Variants in CHUK observed in about 807,000 individuals in gnomAD.
CHUK encodes the protein inhibitor of nuclear factor kappa-B kinase subunit alpha.
Under a neutral mutation model 104.8 loss-of-function variants are expected in CHUK, and 35 were observed. The ratio of observed to expected loss-of-function variants is 0.33; its 90% CI spans 0.26 to 0.44. The LOEUF (loss-of-function observed/expected upper bound fraction) is 0.44. Ranked by LOEUF, CHUK falls within the 20% of genes least tolerant of loss-of-function variation. The probability of loss-of-function intolerance (pLI) is 1.00; values close to 1 mark genes in which losing one functional copy is unlikely to be tolerated. For synonymous variants in CHUK, 276 were observed against 291.9 expected (o/e 0.95, Z 0.56); for missense variants, 663 against 902.7 (o/e 0.73, Z 3.40).
chr10:100,216,208 G>A (rs1354485917), intron 9 of CHUK, among the ~76,000 whole-genome samples: 4 of 152,164 alleles, frequency 2.6e-5, no homozygotes, highest in Non-Finnish European at 1.5e-5. Context: ...CCTATGACAA[G>A]TATGAAACAA....
At chr10:100,212,067 G>A (rs113920190) in intron 9 of CHUK, among the ~76,000 whole-genome samples, 5 of 152,146 alleles carry the variant, frequency 3.3e-5, no homozygotes, top group African/African-American at 7.2e-5. Flanking sequence ...AATTTTAGTT[G>A]AGATGGGGTT....
Position 100,204,918 on chromosome 10 carries a change from A to G in CHUK, c.1355+158T>C, listed in dbSNP as rs576393974. ...CATTACAATAGAATGGTCTCAGTCCATTAGTAAGAATTCTACAAGTTTATC... is the reference window on the plus strand; with the variant it reads ...CATTACAATAGAATGGTCTCAGTCCGTTAGTAAGAATTCTACAAGTTTATC... On this transcript the variant is annotated intron_variant, in intron 12 of 20. Coordinates refer to ENST00000370397, the MANE Select transcript of CHUK (RefSeq NM_001278.5). Among the ~76,000 whole-genome samples, 37 of 152,368 alleles carry G rather than the reference A, an allele frequency of 2.4e-4. 1 individual carries two copies. The highest frequency in any genetic ancestry group is 8.9e-4 in the African/African-American group (37 of 41,586).
chr10:100,223,671 G>GATAAT (rs1210016373), intron 2 of CHUK, among the ~76,000 whole-genome samples: 1 of 152,040 alleles, frequency 6.6e-6, no homozygotes, highest in Non-Finnish European at 1.5e-5. Flanking sequence ...TGTAGGACCT[G>GATAAT]ATAATTTATA....
Position 100,207,316 on chromosome 10 carries a change from T to G in CHUK, c.1145A>C (p.Tyr382Ser), listed in dbSNP as rs769905171. The change falls in exon 11 of 21, where the codon TAT becomes TCT. Residue 382 changes from tyrosine (Y) to serine (S), a missense_variant. Tyr to Ser is a moderately radical substitution (Grantham distance 144, BLOSUM62 -2). This residue lies in a region of CHUK where 93 missense variants were observed against 95.9 expected (regional missense o/e 0.97). Coordinates refer to ENST00000370397, the MANE Select transcript of CHUK (RefSeq NM_001278.5). ...VLDGVRGCDS[Y>S]MVYLFDKSKT... Reference sequence around the variant, plus strand: ...ACTTTTATCAAACAAATAAACCATATAGCTATCACAGCCTCTCTGAAAAAG... The same window carrying G: ...ACTTTTATCAAACAAATAAACCATAGAGCTATCACAGCCTCTCTGAAAAAG... 1.3e-6 allele frequency: 2 copies of G among 1,496,792 alleles called. No homozygotes were observed. Among genetic ancestry groups the G allele is most frequent in the Non-Finnish European group, 1.9e-6 (2 of 1,074,300 alleles). 92.7% of individuals were successfully genotyped at this position (1,496,792 alleles called of 1,614,324 possible).
chr10:100,202,236 AGATGT>A, intron 13 of CHUK, 87 bp from the exon 14 acceptor site: 2 of 868,110 alleles, frequency 2.3e-6, no homozygotes, highest in African/African-American at 3.3e-5. Flanking sequence ...TCAACATCAA[AGATGT>A]GTTATGAGTT....
chr10:100,212,295 C>A (rs190893589), intron 9 of CHUK, among the ~76,000 whole-genome samples: 16 of 152,312 alleles, frequency 1.1e-4, no homozygotes, highest in African/African-American at 3.4e-4. Flanking sequence ...CACATCCTCA[C>A]TAACGCTTAT....
rs763724019 is a variant in CHUK, at chr10:100,218,012, G to C, written c.916C>G (p.His306Asp). The C allele has an allele frequency of 1.2e-6, 2 of 1,614,018 alleles. No homozygotes were observed. The highest frequency in any genetic ancestry group is 1.3e-5 in the African/African-American group (1 of 75,024). ...KQPRCFVLMD[H>D]ILNLKIVHIL... ...AGACTAACCTTCAAATTCAAAATGT[G>C]ATCCATTAATACAAAACATCTTGGC... Residue 306 changes from histidine (H) to aspartate (D), a missense_variant, in exon 9 of 21, where the codon CAC becomes GAC. His to Asp is a moderately conservative substitution (Grantham distance 81). This residue lies in a region of CHUK where 93 missense variants were observed against 95.9 expected (regional missense o/e 0.97). Transcript: ENST00000370397.
chr10:100,190,037 T>C (rs7919366), intron 20 of CHUK: 7,178 of 159,632 alleles, frequency 0.045, 417 homozygotes, highest in African/African-American at 0.14. Flanking sequence ...TTTTTTTTTT[T>C]CCCCGAGACA....
chr10:100,225,214 C>A (rs1175750388), intron 2 of CHUK, among the ~76,000 whole-genome samples: 1 of 152,152 alleles, frequency 6.6e-6, no homozygotes, highest in Non-Finnish European at 1.5e-5. Flanking sequence ...TTTAATTCTG[C>A]AAAGCTGAAA....
chr10:100,227,910 A>G (rs1054422240), intron 1 of CHUK, among the ~76,000 whole-genome samples: 14 of 152,186 alleles, frequency 9.2e-5, no homozygotes, highest in Admixed American at 9.2e-4. Flanking sequence ...GCATTTTAGT[A>G]AGATCTTACC....
At chr10:100,187,796 T>G (rs1845091596), downstream of CHUK, 2 of 152,294 alleles carry the variant, frequency 1.3e-5, no homozygotes, top group African/African-American at 4.8e-5. Flanking sequence ...CTTTAACCAA[T>G]TATTAAAATA....
intron 14 of CHUK, among the ~76,000 whole-genome samples, chr10:100,201,140 G>GC (rs1845451713): frequency 6.6e-6 from 1 of 152,038 alleles, no homozygotes; most frequent in Non-Finnish European, 1.5e-5. Context: ...GATTTTGACT[G>GC]CCCCCTGGTC....
chr10:100,209,553 A>G, intron 10 of CHUK, 42 bp downstream of exon 10: 1 of 1,249,276 alleles, frequency 8.0e-7, no homozygotes, highest in Non-Finnish European at 1.2e-6. Flanking sequence ...CAATCCCTCT[A>G]GATTTCACAT....
intron 9 of CHUK, among the ~76,000 whole-genome samples, chr10:100,215,000 C>A (rs996127677): frequency 6.6e-6 from 1 of 151,738 alleles, no homozygotes; most frequent in Admixed American, 6.6e-5. Flanking sequence ...TTTGGAAGGC[C>A]GAGGTGAGCA....
At chr10:100,210,377 G>A (rs1037226421) in intron 9 of CHUK, among the ~76,000 whole-genome samples, 2 of 151,956 alleles carry the variant, frequency 1.3e-5, no homozygotes, top group Non-Finnish European at 2.9e-5. Context: ...GTGAGCCACC[G>A]CGCCCGGCCT....
chr10:100,206,227 C>T (rs1461589835), intron 11 of CHUK, among the ~76,000 whole-genome samples: 1 of 151,740 alleles, frequency 6.6e-6, no homozygotes, highest in East Asian at 1.9e-4. Context: ...ATACATCATA[C>T]TAATGTAAAA....
Position 100,209,078 on chromosome 10 carries a change from T to C in CHUK, c.1128+517A>G, listed in dbSNP as rs1047033937. 3.3e-5 allele frequency among the ~76,000 whole-genome samples: 5 copies of C among 152,214 alleles called. No individual in the cohort carries two copies. In the East Asian group the frequency reaches 5.8e-4, roughly 18 times the overall value. ...TGGACCCATTTAGAGTAAGTAAATT[T>C]ACTGAGGCTCCAGAGGAATGTCTTC... is the stretch of plus-strand genomic sequence containing the variant. On this transcript the variant is annotated intron_variant, in intron 10 of 20. Transcript: ENST00000370397.
At chr10:100,228,920 C>A (rs929281707) in intron 1 of CHUK, among the ~76,000 whole-genome samples, 6 of 151,542 alleles carry the variant, frequency 4.0e-5, no homozygotes. Context: ...AACTCTGGAC[C>A]CATCATGAAG....
intron 17 of CHUK, 137 bp downstream of exon 17, chr10:100,194,288 C>A: frequency 9.5e-7 from 1 of 1,058,026 alleles, no homozygotes; most frequent in African/African-American, 1.6e-5. Flanking sequence ...ATGCAGATAG[C>A]TATGGCCAAG....
Sources: allele counts gnomAD v4.1 joint callset (sites outside exome capture counted in the v4.1 genomes callset), GRCh38; gene constraint gnomAD v4.1.1; regional missense constraint gnomAD v4.1.1; transcripts MANE v1.5; gene names NCBI Gene and HGNC (gene_info 2026-07-23, HGNC 2026-07-21).